LRPPRC: variants seen among roughly 807,000 people sequenced by gnomAD.
LRPPRC encodes leucine rich pentatricopeptide repeat containing, also known as leucine-rich PPR motif-containing protein, mitochondrial.
LRPPRC carries 120 observed loss-of-function variants against 180.3 expected under a neutral mutation model. The observed-to-expected ratio is 0.67, with a 90% CI of 0.57 to 0.77. LRPPRC has a LOEUF of 0.77. LRPPRC is among the 30% of genes least tolerant of loss of function. LRPPRC has a pLI of 0.00. For missense variants in LRPPRC, 2,012 were observed against 1,657.2 expected, an observed-to-expected ratio of 1.21 and a Z score of -3.72; for synonymous variants, 723 against 600.0, an observed-to-expected ratio of 1.21 and a Z score of -3.00.
chr2:43,960,551 T>G lies in LRPPRC; in HGVS notation c.1572A>C (p.Val524=). The G allele has an allele frequency of 6.4e-7, 1 of 1,562,608 alleles. No individual in the cohort carries two copies. The highest frequency in any genetic ancestry group is 8.8e-7 in the Non-Finnish European group (1 of 1,134,454). ...SEAANGNLDF[V]LSFLKSNTLP... ...ATGTTGTATACTTACAAAATGATAA[T>G]ACAAAGTCTAAGTTCCCATTTGCTG... The change falls in exon 13 of 38, where the codon GTA becomes GTC. Residue 524 remains valine (V), a synonymous_variant. Transcript: ENST00000260665.
intron 1 of LRPPRC, among the ~76,000 whole-genome samples, chr2:43,987,025 T>C (rs72879154): frequency 6.6e-6 from 1 of 152,206 alleles, no homozygotes; most frequent in Non-Finnish European, 1.5e-5. Flanking sequence ...CCACTTGAAT[T>C]TTCTTTAGCC....
In LRPPRC at chr2:43,921,931, T is replaced by G. The variant is rs1044652488; in HGVS notation, c.2896+3136A>C. On this transcript the variant is annotated intron_variant, in intron 27 of 37. Transcript: ENST00000260665. ...TGCAAAATTACAAATGTAAGGCAGT[T>G]TGACTCTTGGATAGACTACTATACA... Among the ~76,000 whole-genome samples the G allele has an allele frequency of 2.7e-4, 41 of 152,250 alleles. 1 individual carries two copies. The highest frequency in any genetic ancestry group is 9.2e-4 in the African/African-American group (38 of 41,458).
chr2:43,888,420 C>T lies in LRPPRC; in HGVS notation c.*180G>A. On this transcript the variant is annotated 3_prime_UTR_variant, in exon 38 of 38. Transcript: ENST00000260665. ...TATCGATTTTTCCCAGAGAAAAAAA[C>T]TCCAAAAATGTCCAATAACCAAGTG... The T allele has an allele frequency of 1.9e-6, 1 of 536,868 alleles. No individual in the cohort carries two copies. Among genetic ancestry groups the T allele is most frequent in the Admixed American group, 3.1e-5 (1 of 32,394 alleles). The allele number at this position is 536,868 out of a possible 1,614,324, so 33.3% of individuals were successfully genotyped here. A position where few individuals can be genotyped will look rare whatever the true frequency, so the allele number is the denominator to read the frequency against.
intron 29 of LRPPRC, 140 bp from the exon 30 acceptor site, chr2:43,912,698 G>C (rs752167712): frequency 3.1e-6 from 2 of 642,382 alleles, no homozygotes; most frequent in East Asian, 2.8e-5. Context: ...TCTATAGAGA[G>C]ACACACTGAC....
rs201627660 is a variant in LRPPRC, at chr2:43,977,289, T to G, written c.470-13A>C. ...TCATACACAGCACCTACAAATGAAA[T>G]TTAAAATGAATTTTTAGAAAAGCAT... On this transcript the variant is annotated splice_polypyrimidine_tract_variant and intron_variant, in intron 3 of 37. Coordinates refer to ENST00000260665, the MANE Select transcript of LRPPRC (RefSeq NM_133259.4). 1 of 1,594,604 alleles carries G rather than the reference T, an allele frequency of 6.3e-7. No homozygotes were observed. Among genetic ancestry groups the G allele is most frequent in the Non-Finnish European group, 8.6e-7 (1 of 1,163,640 alleles).
At chr2:43,957,270 ACTGAATGTACACTG>A in intron 14 of LRPPRC, 101 bp downstream of exon 14, 1 of 794,254 alleles carries the variant, frequency 1.3e-6, no homozygotes, top group African/African-American at 1.7e-5. Flanking sequence ...TTTCAGGTAA[ACTGAATGTACACTG>A]AAAGATAAGA....
chr2:43,936,944 A>G (rs2105064633), intron 23 of LRPPRC, among the ~76,000 whole-genome samples: 1 of 152,344 alleles, frequency 6.6e-6, no homozygotes, highest in South Asian at 2.1e-4. Context: ...TTGCCTTTCT[A>G]TAACTCTGCT....
chr2:43,932,579 A>T (rs1672130135), intron 25 of LRPPRC, among the ~76,000 whole-genome samples: 1 of 152,182 alleles, frequency 6.6e-6, no homozygotes, highest in African/African-American at 2.4e-5. Flanking sequence ...TTGCCTATTC[A>T]TGTGGCAAAC....
Position 43,935,710 on chromosome 2 carries a change from T to C in LRPPRC, c.2505-832A>G, listed in dbSNP as rs1386732644. On this transcript the variant is annotated intron_variant, in intron 23 of 37. Coordinates refer to ENST00000260665, the MANE Select transcript of LRPPRC (RefSeq NM_133259.4). ...TTGCTTTCAATTTACTTTAACCCTGTCTTTATTAAAAGTTTTTTTGTAATT... is the reference window on the plus strand; with the variant it reads ...TTGCTTTCAATTTACTTTAACCCTGCCTTTATTAAAAGTTTTTTTGTAATT... Among the ~76,000 whole-genome samples the C allele has an allele frequency of 5.9e-5, 9 of 152,322 alleles. 1 individual carries two copies. The South Asian group carries it at 1.7e-3, about 28-fold the overall frequency.
intron 2 of LRPPRC, among the ~76,000 whole-genome samples, chr2:43,980,161 G>A (rs1008493280): frequency 2.0e-5 from 3 of 152,072 alleles, no homozygotes; most frequent in South Asian, 2.1e-4. Flanking sequence ...GAAATCTAAG[G>A]TTATAAAATC....
Position 43,886,417 on chromosome 2 carries a change from T to C in LRPPRC, c.*2183A>G, listed in dbSNP as rs557665852. 2 of 152,320 alleles carry C rather than the reference T, an allele frequency of 1.3e-5. No individual in the cohort carries two copies. Among genetic ancestry groups the C allele is most frequent in the African/African-American group, 2.4e-5 (1 of 41,568 alleles). 9.4% of individuals were successfully genotyped at this position (152,320 alleles called of 1,614,324 possible). On this transcript the variant is annotated 3_prime_UTR_variant, in exon 38 of 38. Coordinates refer to ENST00000260665, the MANE Select transcript of LRPPRC (RefSeq NM_133259.4). The stretch of plus-strand genomic sequence containing the variant: ...GCTAAATTGTTTATATTTCTACTTA[T>C]TTCAATTTAGCTATTAGATATTTAG...
intron 1 of LRPPRC, among the ~76,000 whole-genome samples, chr2:43,988,707 T>G (rs1395010958): frequency 1.5e-4 from 23 of 151,944 alleles, no homozygotes. Context: ...CCCAGCTAAT[T>G]TTTTTGTTAT....
intron 23 of LRPPRC, among the ~76,000 whole-genome samples, chr2:43,942,370 T>C (rs1187013118): frequency 6.6e-6 from 1 of 152,156 alleles, no homozygotes; most frequent in Non-Finnish European, 1.5e-5. Context: ...GCATATTAAT[T>C]ATAGGATTTC....
chr2:43,956,645 T>C (rs943358762), intron 14 of LRPPRC, among the ~76,000 whole-genome samples: 10 of 152,136 alleles, frequency 6.6e-5, no homozygotes, highest in African/African-American at 2.4e-4. Flanking sequence ...AACCCAGCAC[T>C]TTGGGAGGCC....
At chr2:43,971,485 TAAA>T (rs528659622) in intron 11 of LRPPRC, among the ~76,000 whole-genome samples, 10 of 62,382 alleles carry the variant, frequency 1.6e-4, no homozygotes, top group African/African-American at 3.2e-4. Flanking sequence ...TGTGTCACAG[TAAA>T]AAAAAAAAAA....
At chr2:43,937,919 T>A (rs1672332672) in intron 23 of LRPPRC, among the ~76,000 whole-genome samples, 1 of 152,204 alleles carries the variant, frequency 6.6e-6, no homozygotes, top group South Asian at 2.1e-4. Flanking sequence ...CTAGCTTCTG[T>A]GACCCAAAGT....
intron 37 of LRPPRC, among the ~76,000 whole-genome samples, chr2:43,889,446 A>G (rs1346177612): frequency 2.0e-5 from 3 of 151,942 alleles, no homozygotes; most frequent in South Asian, 4.1e-4. Context: ...ATTAAATCCT[A>G]TTTCAAGTTG....
chr2:43,947,652 G>C (rs1030672453), intron 19 of LRPPRC, 79 bp downstream of exon 19: 1 of 903,532 alleles, frequency 1.1e-6, no homozygotes, highest in Non-Finnish European at 1.9e-6. Flanking sequence ...GGAATCACTG[G>C]TTTTATAAGT....
intron 14 of LRPPRC, among the ~76,000 whole-genome samples, chr2:43,951,292 T>C (rs939705709): frequency 6.6e-6 from 1 of 152,242 alleles, no homozygotes; most frequent in East Asian, 1.9e-4. Flanking sequence ...GTATCTTTTT[T>C]TGGTTAGGCT....
Sources: gnomAD v4.1 joint callset for allele counts (sites outside exome capture counted in the v4.1 genomes callset) on GRCh38, gnomAD v4.1.1 for gene constraint, MANE v1.5 for transcripts, NCBI Gene and HGNC (gene_info 2026-07-23, HGNC 2026-07-21) for gene names.